Variants in AFF3 observed in about 807,000 individuals in gnomAD.
The protein encoded by AFF3 is AF4/FMR2 family member 3.
Under a neutral mutation model 129.7 loss-of-function variants are expected in AFF3, and 32 were observed. That is an observed-to-expected ratio of 0.25 (90% confidence interval 0.19 to 0.33). The LOEUF (loss-of-function observed/expected upper bound fraction) is 0.33. AFF3 is among the 10% of genes least tolerant of loss of function. The pLI is 1.00. For synonymous variants in AFF3, 644 were observed against 635.4 expected (o/e 1.01, Z -0.20); for missense variants, 1,373 against 1,592.0 (o/e 0.86, Z 2.34).
intron 8 of AFF3, among the ~76,000 whole-genome samples, chr2:99,816,631 T>C (rs957520264): frequency 6.6e-6 from 1 of 152,178 alleles, no homozygotes; most frequent in African/African-American, 2.4e-5. Context: ...CCAAGTTGTA[T>C]TCCACTGTTA....
At chr2:99,630,240 C>T (rs564090997) in intron 13 of AFF3, among the ~76,000 whole-genome samples, 1 of 152,198 alleles carries the variant, frequency 6.6e-6, no homozygotes, top group African/African-American at 2.4e-5. Context: ...GGATGCGCTG[C>T]ATGAAGCTTG....
At chr2:99,926,230 G>C (rs1297242255) in intron 7 of AFF3, among the ~76,000 whole-genome samples, 1 of 152,230 alleles carries the variant, frequency 6.6e-6, no homozygotes, top group South Asian at 2.1e-4. Flanking sequence ...TAGTGAGACT[G>C]CAAGTGCAAA....
chr2:99,895,686 G>A (rs1436673100), intron 7 of AFF3, among the ~76,000 whole-genome samples: 1 of 152,122 alleles, frequency 6.6e-6, no homozygotes, highest in Admixed American at 6.5e-5. Flanking sequence ...GCACACAGCA[G>A]GGACTCGGTG....
intron 8 of AFF3, among the ~76,000 whole-genome samples, chr2:99,782,644 G>A (rs576144118): frequency 1.3e-5 from 2 of 152,278 alleles, no homozygotes; most frequent in African/African-American, 4.8e-5. Context: ...AAAGGCTCAG[G>A]CCTCTCTTCT....
chr2:99,633,784 C>T (rs1683350953), intron 13 of AFF3, among the ~76,000 whole-genome samples: 1 of 152,132 alleles, frequency 6.6e-6, no homozygotes. Context: ...CACTTCTCCT[C>T]TGACCTTCTC....
intron 18 of AFF3, among the ~76,000 whole-genome samples, chr2:99,573,562 A>T (rs1195780810): frequency 2.0e-5 from 3 of 152,164 alleles, no homozygotes; most frequent in African/African-American, 7.2e-5. Context: ...GCTGCTAGGG[A>T]TTCAACCTTT....
chr2:99,928,424 C>T (rs1696430937), intron 7 of AFF3, among the ~76,000 whole-genome samples: 1 of 152,152 alleles, frequency 6.6e-6, no homozygotes, highest in Non-Finnish European at 1.5e-5. Context: ...TCTTTGTCCT[C>T]ACAGACAACT....
intron 7 of AFF3, among the ~76,000 whole-genome samples, chr2:99,882,578 T>C (rs570896532): frequency 2.0e-5 from 3 of 152,344 alleles, no homozygotes; most frequent in Non-Finnish European, 2.9e-5. Context: ...GGCTCACCTC[T>C]AGAGAAGGGG....
At chr2:99,977,026 T>A (rs1363731590) in intron 7 of AFF3, among the ~76,000 whole-genome samples, 1 of 152,204 alleles carries the variant, frequency 6.6e-6, no homozygotes, top group Admixed American at 6.5e-5. Context: ...CTGAGCTTGC[T>A]CTAAAGTTAA....
intron 7 of AFF3, among the ~76,000 whole-genome samples, chr2:99,899,144 T>C (rs1334347686): frequency 6.6e-6 from 1 of 152,182 alleles, no homozygotes; most frequent in Non-Finnish European, 1.5e-5. Context: ...AAATACTGAA[T>C]AGATAAGAAA....
At chr2:99,741,163 C>G (rs1306342734) in intron 10 of AFF3, among the ~76,000 whole-genome samples, 1 of 152,174 alleles carries the variant, frequency 6.6e-6, no homozygotes, top group Non-Finnish European at 1.5e-5. Flanking sequence ...TGGCACAAGA[C>G]AGGGATGCCC....
intron 7 of AFF3, among the ~76,000 whole-genome samples, chr2:99,959,709 A>ATG (rs1244968120): frequency 6.7e-6 from 1 of 149,754 alleles, no homozygotes; most frequent in Non-Finnish European, 1.5e-5. Flanking sequence ...ATATATATAT[A>ATG]TATATATATA....
At chr2:99,893,854 A>T (rs1183085205) in intron 7 of AFF3, among the ~76,000 whole-genome samples, 3 of 152,174 alleles carry the variant, frequency 2.0e-5, no homozygotes, top group Non-Finnish European at 1.5e-5. Context: ...AGGGACTCAG[A>T]AACTGAGAAT....
chr2:99,884,004 A>G (rs1192103122), intron 7 of AFF3, among the ~76,000 whole-genome samples: 1 of 152,214 alleles, frequency 6.6e-6, no homozygotes, highest in African/African-American at 2.4e-5. Flanking sequence ...TCAAATGAAG[A>G]GAGGAAATTT....
intron 12 of AFF3, among the ~76,000 whole-genome samples, chr2:99,665,753 A>G (rs1024541756): frequency 2.6e-5 from 4 of 152,234 alleles, no homozygotes; most frequent in Admixed American, 1.3e-4. Context: ...ATAAACATGG[A>G]AAGTTTCCAA....
intron 7 of AFF3, among the ~76,000 whole-genome samples, chr2:99,968,202 G>T (rs1218559035): frequency 6.6e-6 from 1 of 152,130 alleles, no homozygotes; most frequent in East Asian, 1.9e-4. Flanking sequence ...CATGACCTTT[G>T]TCTTGGTGCC....
At chr2:100,020,607 C>T (rs1438678141) in intron 4 of AFF3, among the ~76,000 whole-genome samples, 1 of 152,152 alleles carries the variant, frequency 6.6e-6, no homozygotes, top group Non-Finnish European at 1.5e-5. Flanking sequence ...GCACTACCCA[C>T]CTAGTTGCCT....
At chr2:99,976,218 C>G (rs776492900) in intron 7 of AFF3, among the ~76,000 whole-genome samples, 9 of 152,164 alleles carry the variant, frequency 5.9e-5, no homozygotes, top group Admixed American at 2.0e-4. Context: ...GAGAACTGTA[C>G]TTCAACAGGA....
intron 13 of AFF3, among the ~76,000 whole-genome samples, chr2:99,602,479 T>C (rs573938767): frequency 3.2e-4 from 48 of 152,268 alleles, no homozygotes; most frequent in African/African-American, 7.9e-4. Context: ...TAATTAACCA[T>C]AAAAATTCAA....
Sources: allele counts gnomAD v4.1 joint callset (sites outside exome capture counted in the v4.1 genomes callset), GRCh38; gene constraint gnomAD v4.1.1; transcripts MANE v1.5; gene names NCBI Gene and HGNC (gene_info 2026-07-23, HGNC 2026-07-21).